The following KLHL28 variants were observed in gnomAD, a reference collection of about 807,000 sequenced individuals.
KLHL28 encodes the protein kelch-like protein 28.
A neutral mutation model predicts 48.3 loss-of-function variants in KLHL28; 22 were observed. That is an observed-to-expected ratio of 0.46 (90% CI 0.33 to 0.65). The LOEUF is 0.65. Ranked by LOEUF, KLHL28 falls within the 30% of genes least tolerant of loss-of-function variation. The probability of loss-of-function intolerance (pLI) is 0.03; values close to 1 mark genes in which losing one functional copy is unlikely to be tolerated. For missense variants in KLHL28, 527 were observed against 704.3 expected (o/e 0.75, Z 2.85); for synonymous variants, 243 against 242.4 (o/e 1.00, Z -0.02).
intron 1 of KLHL28, among the ~76,000 whole-genome samples, chr14:44,960,492 A>G (rs1219113759): frequency 6.6e-6 from 1 of 152,216 alleles, no homozygotes; most frequent in African/African-American, 2.4e-5. Flanking sequence ...TGTGAGAACC[A>G]GACACTTTCT....
chr14:44,955,945 T>C (rs1263748726), intron 1 of KLHL28, among the ~76,000 whole-genome samples: 1 of 152,066 alleles, frequency 6.6e-6, no homozygotes, highest in Non-Finnish European at 1.5e-5. Flanking sequence ...TTAAACGATA[T>C]CAGATATTTT....
intron 1 of KLHL28, among the ~76,000 whole-genome samples, chr14:44,956,914 C>T (rs530238133): frequency 1.3e-5 from 2 of 152,284 alleles, no homozygotes; most frequent in East Asian, 3.9e-4. Context: ...AATTCCTGGG[C>T]TCAAGGGATT....
intron 3 of KLHL28, among the ~76,000 whole-genome samples, chr14:44,932,515 T>C (rs2138585564): frequency 6.6e-6 from 1 of 152,318 alleles, no homozygotes; most frequent in Middle Eastern, 3.4e-3. Context: ...AGACTATGGT[T>C]TCCTCTGAAG....
At chr14:44,952,314 G>A (rs1164035006) in intron 1 of KLHL28, among the ~76,000 whole-genome samples, 1 of 152,004 alleles carries the variant, frequency 6.6e-6, no homozygotes, top group African/African-American at 2.4e-5. Context: ...AGCAACATTT[G>A]GGAACCTGCT....
chr14:44,946,698 G>C (rs1884352020), intron 1 of KLHL28, among the ~76,000 whole-genome samples: 4 of 151,938 alleles, frequency 2.6e-5, no homozygotes, highest in African/African-American at 7.3e-5. Flanking sequence ...TGGGATTACA[G>C]GCACCTGCTA....
rs1370740425 is a variant in KLHL28, at chr14:44,925,201, A to T, written c.*3827T>A. 2 of 152,200 alleles carry T rather than the reference A, an allele frequency of 1.3e-5. No individual in the cohort carries two copies. Among genetic ancestry groups the T allele is most frequent in the East Asian group, 3.8e-4 (2 of 5,204 alleles). 9.4% of individuals were successfully genotyped at this position (152,200 alleles called of 1,614,324 possible). On this transcript the variant is annotated 3_prime_UTR_variant, in exon 5 of 5. Transcript: ENST00000396128. The stretch of plus-strand genomic sequence containing the variant: ...ACAAGTTTACTGAACTTTAAGCAGT[A>T]AGTGTTTATTGTAGAATCTGATTTT...
intron 2 of KLHL28, among the ~76,000 whole-genome samples, chr14:44,938,688 A>C (rs979030326): frequency 7.2e-5 from 11 of 152,136 alleles, no homozygotes; most frequent in African/African-American, 2.7e-4. Flanking sequence ...TAAGTCTTAA[A>C]GCTGGTGAAT....
intron 1 of KLHL28, among the ~76,000 whole-genome samples, chr14:44,955,040 T>A: frequency 6.6e-6 from 1 of 152,124 alleles, no homozygotes; most frequent in East Asian, 1.9e-4. Context: ...TGTATTGTGC[T>A]ATAAAGCAAA....
intron 1 of KLHL28, among the ~76,000 whole-genome samples, chr14:44,952,917 AC>A (rs1297147368): frequency 5.3e-5 from 8 of 152,080 alleles, no homozygotes; most frequent in Non-Finnish European, 8.8e-5. Flanking sequence ...AAAAAAAAAA[AC>A]AAACACAGGA....
chr14:44,949,983 A>G (rs1884507676), intron 1 of KLHL28, among the ~76,000 whole-genome samples: 1 of 152,152 alleles, frequency 6.6e-6, no homozygotes, highest in African/African-American at 2.4e-5. Flanking sequence ...AACAGACTGT[A>G]ACACCTGATG....
chr14:44,948,941 T>G (rs1884459735), intron 1 of KLHL28, among the ~76,000 whole-genome samples: 1 of 152,058 alleles, frequency 6.6e-6, no homozygotes, highest in Non-Finnish European at 1.5e-5. Flanking sequence ...CTTTCAACTC[T>G]CATTTTCTGA....
At chr14:44,951,070 G>A (rs965093759) in intron 1 of KLHL28, among the ~76,000 whole-genome samples, 4 of 152,192 alleles carry the variant, frequency 2.6e-5, no homozygotes, top group African/African-American at 9.7e-5. Context: ...TCCTTGTCCC[G>A]CACATCAAAA....
In KLHL28 at chr14:44,956,978, T is replaced by C. The variant is rs144953412; in HGVS notation, c.-1+4868A>G. Among the ~76,000 whole-genome samples the C allele has an allele frequency of 3.0e-3, 456 of 152,264 alleles. 7 individuals carry two copies. The highest frequency in any genetic ancestry group is 0.01 in the African/African-American group (419 of 41,546). ...AACTACAGGCGCATGCTACCATGCC[T>C]GGCTAATATTTTTTATTTTTATTTT... On this transcript the variant is annotated intron_variant, in intron 1 of 4. Coordinates refer to ENST00000396128, the MANE Select transcript of KLHL28 (RefSeq NM_017658.5).
At chr14:44,940,439 A>G (rs1884020415) in intron 2 of KLHL28, among the ~76,000 whole-genome samples, 1 of 152,192 alleles carries the variant, frequency 6.6e-6, no homozygotes, top group African/African-American at 2.4e-5. Flanking sequence ...TCAACATTTA[A>G]CATATTTGCA....
intron 2 of KLHL28, among the ~76,000 whole-genome samples, chr14:44,936,798 CTG>C (rs1883842327): frequency 6.6e-6 from 1 of 152,140 alleles, no homozygotes. Context: ...GGAATGATGA[CTG>C]TGATGTTTCT....
chr14:44,951,343 C>G (rs1409586060), intron 1 of KLHL28, among the ~76,000 whole-genome samples: 1 of 152,204 alleles, frequency 6.6e-6, no homozygotes, highest in African/African-American at 2.4e-5. Flanking sequence ...TGTCAAGCCA[C>G]GGATAAGCTG....
rs918478697 is a variant in KLHL28, at chr14:44,934,287, A to C, written c.1171T>G (p.Leu391Val). 1.4e-5 allele frequency: 22 copies of C among 1,614,130 alleles called. No homozygotes were observed. The highest frequency in any genetic ancestry group is 1.6e-5 in the Non-Finnish European group (19 of 1,180,026). ...VVVLAGELYA[L>V]GGYDGQSYLQ... Reference sequence around the variant, plus strand: ...TAAGATTGTCCATCATAACCACCTAAGGCATAAAGTTCTCCTGCAAGTACT... The same window carrying C: ...TAAGATTGTCCATCATAACCACCTACGGCATAAAGTTCTCCTGCAAGTACT... The change falls in exon 3 of 5, where the codon TTA (leucine) becomes GTA (valine). Residue 391 changes from leucine to valine, a missense_variant. Leu to Val is a conservative substitution (Grantham distance 32). Transcript: ENST00000396128.
chr14:44,932,189 G>T (rs1883618298), intron 3 of KLHL28, among the ~76,000 whole-genome samples: 1 of 135,386 alleles, frequency 7.4e-6, no homozygotes, highest in South Asian at 2.3e-4. Context: ...TGCCTGGCTT[G>T]AATACAGAGG....
chr14:44,960,015 T>C (rs1014312010), intron 1 of KLHL28, among the ~76,000 whole-genome samples: 3 of 152,218 alleles, frequency 2.0e-5, no homozygotes, highest in African/African-American at 7.2e-5. Context: ...TAAGACGTGA[T>C]GCTGATGAAG....
Sources: gnomAD v4.1 joint callset for allele counts (sites outside exome capture counted in the v4.1 genomes callset) on GRCh38, gnomAD v4.1.1 for gene constraint, MANE v1.5 for transcripts, NCBI Gene and HGNC (gene_info 2026-07-23, HGNC 2026-07-21) for gene names.